Variants in THOC1 observed in about 807,000 individuals in gnomAD.
THOC1 encodes THO complex 1.
A neutral mutation model predicts 97.3 loss-of-function variants in THOC1; 29 were observed. The ratio of observed to expected loss-of-function variants is 0.30; its 90% CI spans 0.22 to 0.41. The LOEUF (loss-of-function observed/expected upper bound fraction) is 0.41. Ranked by LOEUF, THOC1 falls within the 10% of genes least tolerant of loss-of-function variation. THOC1 has a pLI of 1.00. For synonymous variants in THOC1, 255 were observed against 257.0 expected, an observed-to-expected ratio of 0.99 and a Z score of 0.07; for missense variants, 529 against 761.9, an observed-to-expected ratio of 0.69 and a Z score of 3.60.
Position 246,452 on chromosome 18 carries a change from A to C in THOC1, c.790T>G (p.Ser264Ala). The part of the protein sequence containing the change: ...KISWKTFLKY[S>A]EEVLAVFKSY... ...TTAAAAACAGCTAAAACTTCTTCAG[A>C]ATACTGCAAAATAAAAATATTAGTT... The change falls in exon 11 of 21, where the codon TCT (serine) becomes GCT (alanine). Residue 264 changes from serine to alanine, a missense_variant. Around this residue, in one of 8 missense-constraint regions of THOC1, gnomAD observed 92 missense variants for 127.0 expected, o/e 0.72. Coordinates refer to ENST00000261600, the MANE Select transcript of THOC1 (RefSeq NM_005131.3). 1 of 1,559,852 alleles carries C rather than the reference A, an allele frequency of 6.4e-7. No homozygotes were observed. Among genetic ancestry groups the C allele is most frequent in the Non-Finnish European group, 8.7e-7 (1 of 1,150,954 alleles).
At chr18:226,638 A>G (rs1911299179) in intron 12 of THOC1, among the ~76,000 whole-genome samples, 163 bp downstream of exon 12, 2 of 152,180 alleles carry the variant, frequency 1.3e-5, no homozygotes, top group Non-Finnish European at 2.9e-5. Context: ...CTTTTCCTTA[A>G]ATATCCTAAT....
chr18:222,575 A>G (rs1567843335), intron 17 of THOC1, among the ~76,000 whole-genome samples: 1 of 152,204 alleles, frequency 6.6e-6, no homozygotes, highest in Non-Finnish European at 1.5e-5. Flanking sequence ...ATTAATGATT[A>G]AGAAATCACC....
chr18:236,538 T>C (rs1221845643), intron 11 of THOC1, among the ~76,000 whole-genome samples: 1 of 150,316 alleles, frequency 6.7e-6, no homozygotes, highest in Non-Finnish European at 1.5e-5. Flanking sequence ...TTTTTTTTTG[T>C]ATTTTTAGTA....
rs765348584 is a variant in THOC1 at position 246,357 on chromosome 18, A to G, written c.885T>C (p.His295=). 3 of 1,596,952 alleles carry G rather than the reference A, an allele frequency of 1.9e-6. No homozygotes were observed. The highest frequency in any genetic ancestry group is 2.2e-5 in the South Asian group (2 of 89,900). ...TTGTTAAAAATTTTGCAAAATATAC[A>G]TGTTCTCCTCCTGTTTTCAATTCTT... ...KMEELKTGGE[H]VYFAKFLTSE... Residue 295 remains histidine, a synonymous_variant, in exon 11 of 21, where the codon CAT becomes CAC. Transcript: ENST00000261600.
At chr18:251,188 G>A (rs922013234) in intron 9 of THOC1, among the ~76,000 whole-genome samples, 29 of 152,150 alleles carry the variant, frequency 1.9e-4, no homozygotes, top group African/African-American at 7.0e-4. Context: ...TGTGGAAACT[G>A]TGTTGTAGAA....
At chr18:239,477 T>C (rs1911822519) in intron 11 of THOC1, among the ~76,000 whole-genome samples, 1 of 152,092 alleles carries the variant, frequency 6.6e-6, no homozygotes, top group South Asian at 2.1e-4. Flanking sequence ...GCTAATTTTT[T>C]GTATTTTTAG....
chr18:238,150 G>A lies in THOC1; in HGVS notation c.918+8174C>T, dbSNP rs1047122238. 2.6e-5 allele frequency among the ~76,000 whole-genome samples: 4 copies of A among 152,128 alleles called. No individual in the cohort carries two copies. The South Asian group carries it at 6.2e-4, about 24-fold the overall frequency. ...CAAGGTGCTGGGATTACAGGTGTGA[G>A]CCACTGCACCCAGCTCTACTTTCTA... On this transcript the variant is annotated intron_variant, in intron 11 of 20. Coordinates refer to ENST00000261600, the MANE Select transcript of THOC1 (RefSeq NM_005131.3).
chr18:226,693 G>C (rs529406498), intron 12 of THOC1, 108 bp downstream of exon 12: 1 of 726,938 alleles, frequency 1.4e-6, no homozygotes, highest in Non-Finnish European at 2.3e-6. Flanking sequence ...TGTGTTTTAG[G>C]GATACAGCCT....
In THOC1 at chr18:260,314, G is replaced by A. The variant is rs760182632; in HGVS notation, c.257-10C>T. ...GATGCGGTACAAATACCTTCAAGTG[G>A]AGCACAAGCCAATTTAAAAGTTTAA... is the stretch of plus-strand genomic sequence containing the variant. On this transcript the variant is annotated splice_polypyrimidine_tract_variant and intron_variant, in intron 4 of 20. Transcript: ENST00000261600. 7 of 1,473,552 alleles carry A rather than the reference G, an allele frequency of 4.8e-6. No homozygotes were observed. Among genetic ancestry groups the A allele is most frequent in the South Asian group, 1.4e-5 (1 of 70,426 alleles). 91.3% of individuals were successfully genotyped at this position (1,473,552 alleles called of 1,614,324 possible).
intron 20 of THOC1, 53 bp downstream of exon 20, chr18:215,376 G>T (rs774716573): frequency 7.3e-7 from 1 of 1,379,300 alleles, no homozygotes; most frequent in Non-Finnish European, 1.0e-6. Flanking sequence ...TATCAACAAA[G>T]AACCCCAATC....
chr18:238,721 G>A (rs1427649881), intron 11 of THOC1, among the ~76,000 whole-genome samples: 1 of 152,206 alleles, frequency 6.6e-6, no homozygotes, highest in Non-Finnish European at 1.5e-5. Flanking sequence ...TGGTTGTTAT[G>A]TGGTGCCATT....
At chr18:266,258 AAT>A (rs1912763692) in intron 1 of THOC1, among the ~76,000 whole-genome samples, 1 of 152,206 alleles carries the variant, frequency 6.6e-6, no homozygotes, top group Admixed American at 6.5e-5. Context: ...ATCTATCCTA[AAT>A]GTGTCCATTC....
intron 9 of THOC1, 75 bp from the exon 10 acceptor site, chr18:248,032 T>C (rs1032614450): frequency 2.0e-6 from 2 of 1,010,444 alleles, no homozygotes; most frequent in Non-Finnish European, 2.9e-6. Flanking sequence ...TAACTTAGCT[T>C]TGGTCACAAA....
At chr18:265,610 G>A in intron 1 of THOC1, 80 bp from the exon 2 acceptor site, 2 of 1,133,146 alleles carry the variant, frequency 1.8e-6, no homozygotes, top group Admixed American at 2.9e-5. Flanking sequence ...CATTGATAGT[G>A]TATCTTACTA....
chr18:250,998 T>TA lies in THOC1; in HGVS notation c.677+1540dup, dbSNP rs1424252783. ...CATGTATAATGAATAAATAGGTCTC[T>TA]AAAAAAAAATAATAACGATAACAAA... On this transcript the variant is annotated intron_variant, in intron 9 of 20. Transcript: ENST00000261600. Among the ~76,000 whole-genome samples the TA allele has an allele frequency of 4.0e-5, 6 of 151,094 alleles. No individual in the cohort carries two copies. In the East Asian group the frequency reaches 9.7e-4, roughly 24 times the overall value.
chr18:259,132 T>C (rs1358033642), intron 7 of THOC1, 48 bp downstream of exon 7: 5 of 1,413,364 alleles, frequency 3.5e-6, no homozygotes, highest in Admixed American at 2.0e-5. Context: ...TATTAAAAAC[T>C]GGAAAAGATT....
rs1567857398 is a variant in THOC1 at position 260,273 on chromosome 18, C to G, written c.288G>C (p.Leu96Phe). 1.3e-6 allele frequency: 2 copies of G among 1,593,504 alleles called. No individual in the cohort carries two copies. Among genetic ancestry groups the G allele is most frequent in the Non-Finnish European group, 1.7e-6 (2 of 1,170,728 alleles). Residue 96 changes from leucine to phenylalanine, a missense_variant, in exon 5 of 21, where the codon TTG (leucine) becomes TTC (phenylalanine). This residue lies in a region of THOC1 where 49 missense variants were observed against 91.7 expected (regional missense o/e 0.53). Coordinates refer to ENST00000261600, the MANE Select transcript of THOC1 (RefSeq NM_005131.3). ...GAAGACAATCCAAAACATCTCCCAA[C>G]AATACAAAAGGTGTAGATGCGGTAC... is the stretch of plus-strand genomic sequence containing the variant. ...GICTASTPFV[L>F]LGDVLDCLPL...
intron 8 of THOC1, 33 bp from the exon 9 acceptor site, chr18:252,645 G>C: frequency 6.5e-7 from 1 of 1,545,562 alleles, no homozygotes; most frequent in Middle Eastern, 1.7e-4. Flanking sequence ...AGCCTGTCAT[G>C]AAGCAGTCAT....
intron 4 of THOC1, chr18:261,147 T>C (rs982105790): frequency 6.6e-6 from 1 of 152,184 alleles, no homozygotes; most frequent in Non-Finnish European, 1.5e-5. Flanking sequence ...AAAGTTACTG[T>C]TTAAAGAACA....
Sources: allele counts gnomAD v4.1 joint callset (sites outside exome capture counted in the v4.1 genomes callset), GRCh38; gene constraint gnomAD v4.1.1; regional missense constraint gnomAD v4.1.1; transcripts MANE v1.5; gene names NCBI Gene and HGNC (gene_info 2026-07-23, HGNC 2026-07-21).